Variants in DOCK3 observed in about 807,000 individuals in gnomAD.
DOCK3 encodes dedicator of cytokinesis 3, also known as dedicator of cytokinesis protein 3.
DOCK3 carries 60 observed loss-of-function variants against 265.6 expected under a neutral mutation model. That is an observed-to-expected ratio of 0.23 (90% confidence interval 0.18 to 0.28). The LOEUF (loss-of-function observed/expected upper bound fraction) is 0.28. Among genes scored for constraint, DOCK3 ranks in the 10% least tolerant of loss-of-function variants. The pLI is 1.00. For missense variants in DOCK3, 1,981 were observed against 2,594.3 expected, an observed-to-expected ratio of 0.76 and a Z score of 5.14; for synonymous variants, 881 against 938.0, an observed-to-expected ratio of 0.94 and a Z score of 1.11.
intron 24 of DOCK3, among the ~76,000 whole-genome samples, chr3:51,274,238 A>G (rs942236953): frequency 7.2e-5 from 11 of 152,226 alleles, no homozygotes; most frequent in Admixed American, 7.2e-4. Context: ...TCATTGCTGT[A>G]TACACACTGA....
chr3:51,312,302 G>A (rs560329048), intron 29 of DOCK3, among the ~76,000 whole-genome samples, 174 bp from the exon 30 acceptor site: 20 of 152,174 alleles, frequency 1.3e-4, no homozygotes, highest in South Asian at 1.2e-3. Context: ...GCTTCAGAAG[G>A]AGTTAAGGGG....
intron 4 of DOCK3, among the ~76,000 whole-genome samples, chr3:50,892,953 G>A (rs1003276112): frequency 7.9e-5 from 12 of 152,198 alleles, no homozygotes; most frequent in African/African-American, 2.9e-4. Flanking sequence ...ACTGCCACAG[G>A]GAAAAGAGAT....
chr3:50,981,576 G>C (rs750207904), intron 5 of DOCK3, among the ~76,000 whole-genome samples: 1 of 152,172 alleles, frequency 6.6e-6, no homozygotes, highest in Non-Finnish European at 1.5e-5. Flanking sequence ...ATTGGAGTCT[G>C]CTGTTTCTTT....
intron 19 of DOCK3, among the ~76,000 whole-genome samples, chr3:51,233,338 C>T (rs978837649): frequency 6.1e-4 from 26 of 42,918 alleles, no homozygotes; most frequent in South Asian, 3.2e-3. Flanking sequence ...ATCTATCTAT[C>T]TATCTATCTA....
chr3:51,191,161 C>T (rs1243881428), intron 12 of DOCK3, among the ~76,000 whole-genome samples: 2 of 152,068 alleles, frequency 1.3e-5, no homozygotes, highest in Non-Finnish European at 2.9e-5. Context: ...GCAATCAGGG[C>T]TTTCACGCTA....
chr3:51,197,484 C>T (rs1381603903), intron 12 of DOCK3, among the ~76,000 whole-genome samples: 1 of 152,152 alleles, frequency 6.6e-6, no homozygotes, highest in Non-Finnish European at 1.5e-5. Flanking sequence ...GCCCAATCTC[C>T]AGGAACTCGG....
intron 5 of DOCK3, among the ~76,000 whole-genome samples, chr3:50,966,596 T>C (rs1320725423): frequency 1.3e-5 from 2 of 151,698 alleles, no homozygotes; most frequent in Non-Finnish European, 2.9e-5. Flanking sequence ...TTAGTGATAC[T>C]GAACACCTTT....
At chr3:51,293,660 G>C (rs1414414178) in intron 27 of DOCK3, among the ~76,000 whole-genome samples, 1 of 152,110 alleles carries the variant, frequency 6.6e-6, no homozygotes, top group African/African-American at 2.4e-5. Context: ...GAAAACAATA[G>C]AATGAAGAGA....
intron 27 of DOCK3, among the ~76,000 whole-genome samples, chr3:51,298,774 G>A (rs1248979362): frequency 6.6e-6 from 1 of 152,126 alleles, no homozygotes; most frequent in Non-Finnish European, 1.5e-5. Flanking sequence ...AGTATTCCAT[G>A]GTGTATATGT....
chr3:50,678,400 A>G (rs1329524201), intron 1 of DOCK3, among the ~76,000 whole-genome samples: 1 of 152,170 alleles, frequency 6.6e-6, no homozygotes, highest in Non-Finnish European at 1.5e-5. Context: ...CTTTCCCTAT[A>G]CTGACTGTAC....
chr3:51,039,203 C>T (rs1209310015), intron 5 of DOCK3, among the ~76,000 whole-genome samples: 2 of 152,072 alleles, frequency 1.3e-5, no homozygotes, highest in Non-Finnish European at 2.9e-5. Context: ...ACTATGTTGG[C>T]CAGGCTGGTC....
Position 50,890,072 on chromosome 3 carries a change from G to A in DOCK3, c.209G>A (p.Ser70Asn). 7.0e-7 allele frequency: 1 copy of A among 1,434,650 alleles called. No homozygotes were observed. Among genetic ancestry groups the A allele is most frequent in the Admixed American group, 3.1e-5 (1 of 32,002 alleles). The allele number at this position is 1,434,650 out of a possible 1,614,324, so 88.9% of individuals were successfully genotyped here. A position where few individuals can be genotyped will look rare whatever the true frequency, so the allele number is the denominator to read the frequency against. The change falls in exon 4 of 53, where the codon AGT (serine) becomes AAT (asparagine). Residue 70 changes from serine (S) to asparagine (N), a missense_variant. Physicochemically the swap from Ser to Asn is conservative, Grantham distance 46. Around this residue, in one of 4 missense-constraint regions of DOCK3, gnomAD observed 456 missense variants for 539.0 expected, o/e 0.85. Transcript: ENST00000266037. The part of the protein sequence containing the change: ...NYIHLKKAIV[S>N]NRGQYETVVP... ...ATTCACTTGAAAAAGGCAATTGTCA[G>A]TAATAGGGGGTGAGTAATTGGCCTT... is the stretch of plus-strand genomic sequence containing the variant.
At chr3:50,970,881 C>A (rs1347379845) in intron 5 of DOCK3, among the ~76,000 whole-genome samples, 1 of 81,990 alleles carries the variant, frequency 1.2e-5, no homozygotes, top group Non-Finnish European at 2.3e-5. Context: ...CTACCACACT[C>A]ATCTAATTTT....
At chr3:51,303,688 C>T (rs1229972194) in intron 27 of DOCK3, among the ~76,000 whole-genome samples, 1 of 152,150 alleles carries the variant, frequency 6.6e-6, no homozygotes, top group Admixed American at 6.5e-5. Flanking sequence ...CTCTGGTTTG[C>T]CGAGGGTTCA....
intron 32 of DOCK3, among the ~76,000 whole-genome samples, chr3:51,320,422 G>GT (rs1360283836): frequency 2.6e-5 from 4 of 151,630 alleles, no homozygotes; most frequent in African/African-American, 7.3e-5. Flanking sequence ...CAGGAGTTTT[G>GT]TTTTTGTTTT....
intron 24 of DOCK3, 95 bp downstream of exon 24, chr3:51,271,102 C>T (rs556245092): frequency 7.3e-7 from 1 of 1,370,674 alleles, no homozygotes; most frequent in East Asian, 2.3e-5. Flanking sequence ...GGATCAGTTT[C>T]CTCAACGATT....
intron 9 of DOCK3, among the ~76,000 whole-genome samples, chr3:51,113,080 A>G (rs78968167): frequency 2.0e-5 from 3 of 152,284 alleles, no homozygotes; most frequent in Non-Finnish European, 2.9e-5. Context: ...CCCACCATAT[A>G]TAAGATATTG....
intron 1 of DOCK3, among the ~76,000 whole-genome samples, chr3:50,770,338 C>T (rs1369843911): frequency 6.6e-6 from 1 of 151,636 alleles, no homozygotes; most frequent in Non-Finnish European, 1.5e-5. Context: ...AAAGTAATCT[C>T]AGTTACAATA....
chr3:51,228,624 G>A lies in DOCK3; in HGVS notation c.1648-37G>A, dbSNP rs1211292334. The A allele has an allele frequency of 3.1e-6, 5 of 1,596,342 alleles. No individual in the cohort carries two copies. The African/African-American group carries it at 5.4e-5, about 17-fold the overall frequency. On this transcript the variant is annotated intron_variant, in intron 17 of 52. Transcript: ENST00000266037. ...GGACCTGGTTTTTGCATGTTGCATG[G>A]CTCAGGGGACATTTTTTTCTCCATT... is the stretch of plus-strand genomic sequence containing the variant.
Sources: gnomAD v4.1 joint callset for allele counts (sites outside exome capture counted in the v4.1 genomes callset) on GRCh38, gnomAD v4.1.1 for gene constraint, gnomAD v4.1.1 regional missense constraint, MANE v1.5 for transcripts, NCBI Gene and HGNC (gene_info 2026-07-23, HGNC 2026-07-21) for gene names.